HFM1: variants seen among roughly 807,000 people sequenced by gnomAD.
HFM1 encodes the protein probable ATP-dependent DNA helicase HFM1.
Under a neutral mutation model 192.1 loss-of-function variants are expected in HFM1, and 169 were observed. The observed-to-expected ratio is 0.88, with a 90% CI of 0.78 to 1.00. The LOEUF (loss-of-function observed/expected upper bound fraction) is 1.00. HFM1 is among the 50% of genes least tolerant of loss of function. The pLI is 0.00. For synonymous variants in HFM1, 525 were observed against 537.8 expected (o/e 0.98, Z 0.33); for missense variants, 1,661 against 1,668.0 (o/e 1.00, Z 0.07).
At chr1:91,313,637 TA>T (rs1650791725) in intron 29 of HFM1, 142 bp from the exon 30 acceptor site, 2 of 468,530 alleles carry the variant, frequency 4.3e-6, no homozygotes, top group East Asian at 7.1e-5. Flanking sequence ...GTTGAAAGGT[TA>T]AAAAATATGA....
At chr1:91,264,529 C>G (rs888587844) in intron 36 of HFM1, among the ~76,000 whole-genome samples, 1 of 148,882 alleles carries the variant, frequency 6.7e-6, no homozygotes, top group Admixed American at 6.7e-5. Context: ...CCCGCCATCA[C>G]GCCCGGCTAA....
intron 13 of HFM1, among the ~76,000 whole-genome samples, chr1:91,366,470 T>C (rs1659326331): frequency 6.6e-6 from 1 of 152,174 alleles, no homozygotes; most frequent in Non-Finnish European, 1.5e-5. Context: ...ACCCAACAAG[T>C]AGAAAGCTTC....
intron 23 of HFM1, among the ~76,000 whole-genome samples, chr1:91,322,540 C>T (rs918115333): frequency 6.6e-6 from 1 of 152,194 alleles, no homozygotes; most frequent in African/African-American, 2.4e-5. Context: ...CAGTCATCCA[C>T]TGTCACATAT....
intron 30 of HFM1, among the ~76,000 whole-genome samples, chr1:91,278,382 A>T (rs2100799944): frequency 6.6e-6 from 1 of 152,266 alleles, no homozygotes; most frequent in Middle Eastern, 3.4e-3. Context: ...AGATGTTTGA[A>T]CTGGTCCTTG....
chr1:91,336,007 C>T (rs1404724854), intron 20 of HFM1, among the ~76,000 whole-genome samples: 1 of 149,616 alleles, frequency 6.7e-6, no homozygotes, highest in East Asian at 2.0e-4. Flanking sequence ...CTAAGATCCT[C>T]CAAGGGCTTT....
At chr1:91,335,359 A>G (rs539463986) in intron 20 of HFM1, among the ~76,000 whole-genome samples, 87 of 152,312 alleles carry the variant, frequency 5.7e-4, no homozygotes, top group African/African-American at 1.9e-3. Flanking sequence ...AAATATTTAT[A>G]AGTTAATATA....
At chr1:91,392,844 T>C (rs1663180843) in intron 4 of HFM1, among the ~76,000 whole-genome samples, 1 of 152,158 alleles carries the variant, frequency 6.6e-6, no homozygotes, top group African/African-American at 2.4e-5. Context: ...TGCACTTATA[T>C]GAAATGTTTA....
intron 20 of HFM1, chr1:91,339,074 A>G (rs1654989497): frequency 2.2e-6 from 1 of 454,366 alleles, no homozygotes. Context: ...ATGCCACAGT[A>G]AATCTCAATG....
At chr1:91,367,123 G>A (rs932429405) in intron 13 of HFM1, among the ~76,000 whole-genome samples, 2 of 152,184 alleles carry the variant, frequency 1.3e-5, no homozygotes, top group African/African-American at 4.8e-5. Context: ...CTCGAACTGG[G>A]TGGAGCGCAC....
chr1:91,359,543 G>T (rs1249196758), intron 13 of HFM1, among the ~76,000 whole-genome samples: 1 of 49,360 alleles, frequency 2.0e-5, no homozygotes, highest in African/African-American at 8.2e-5. Context: ...AAGACAGGCA[G>T]ACAAGAATAC....
chr1:91,380,296 T>C, intron 7 of HFM1, 60 bp from the exon 8 acceptor site: 2 of 1,062,354 alleles, frequency 1.9e-6, no homozygotes, highest in Non-Finnish European at 2.6e-6. Context: ...ACATTCTCAA[T>C]TTGTTAAAAA....
intron 18 of HFM1, among the ~76,000 whole-genome samples, chr1:91,350,415 A>G: frequency 6.6e-6 from 1 of 152,184 alleles, no homozygotes; most frequent in East Asian, 1.9e-4. Flanking sequence ...AACACTAAGT[A>G]CAGAAAAAAT....
intron 30 of HFM1, among the ~76,000 whole-genome samples, chr1:91,287,798 C>G (rs1194075917): frequency 1.3e-5 from 2 of 151,326 alleles, no homozygotes; most frequent in Non-Finnish European, 3.0e-5. Context: ...CTAGAATAAC[C>G]AATACAGAGA....
intron 13 of HFM1, among the ~76,000 whole-genome samples, chr1:91,359,790 C>T (rs1658261838): frequency 1.3e-5 from 2 of 152,202 alleles, no homozygotes; most frequent in Non-Finnish European, 1.5e-5. Context: ...AGATACTCCA[C>T]ACGAACATCA....
chr1:91,381,203 A>G (rs1661515155), intron 6 of HFM1, among the ~76,000 whole-genome samples: 1 of 152,164 alleles, frequency 6.6e-6, no homozygotes, highest in African/African-American at 2.4e-5. Flanking sequence ...TAGGGAAATA[A>G]GAGATTATAT....
intron 6 of HFM1, among the ~76,000 whole-genome samples, chr1:91,381,387 T>C (rs1661536901): frequency 6.6e-6 from 1 of 152,204 alleles, no homozygotes; most frequent in South Asian, 2.1e-4. Context: ...CACTCAACTA[T>C]TTCATTAAGC....
intron 13 of HFM1, among the ~76,000 whole-genome samples, chr1:91,372,860 GA>G (rs1660417087): frequency 6.6e-6 from 1 of 151,980 alleles, no homozygotes. Flanking sequence ...CTACCTCTCA[GA>G]CTTCATCTAC....
At chr1:91,396,705 T>A (rs915553678) in intron 2 of HFM1, among the ~76,000 whole-genome samples, 3 of 152,316 alleles carry the variant, frequency 2.0e-5, no homozygotes, top group Admixed American at 6.5e-5. Context: ...AAAAACAAAG[T>A]AGTAAATCAT....
chr1:91,277,480 G>GGT (rs1244845064), intron 30 of HFM1, among the ~76,000 whole-genome samples: 1 of 140,804 alleles, frequency 7.1e-6, no homozygotes, highest in African/African-American at 2.6e-5. Flanking sequence ...CAACCTCCCT[G>GGT]GTGTGTGTGT....
Sources: gnomAD v4.1 joint callset for allele counts (sites outside exome capture counted in the v4.1 genomes callset) on GRCh38, gnomAD v4.1.1 for gene constraint, MANE v1.5 for transcripts, NCBI Gene and HGNC (gene_info 2026-07-23, HGNC 2026-07-21) for gene names.